LMF1: variants seen among roughly 807,000 people sequenced by gnomAD.
LMF1 encodes the protein transmembrane protein 112.
In LMF1, 68 loss-of-function variants were observed where a neutral mutation model predicts 60.6. The observed-to-expected ratio is 1.12, with a 90% CI of 0.92 to 1.37. The LOEUF (loss-of-function observed/expected upper bound fraction) is 1.37, where lower values mean the gene tolerates loss of function less well. Among genes scored for constraint, LMF1 ranks in the 40% most tolerant of loss-of-function variants. LMF1 has a pLI of 0.00. For missense variants in LMF1, 948 were observed against 767.2 expected (o/e 1.24, Z -2.78); for synonymous variants, 418 against 324.7 (o/e 1.29, Z -3.09).
chr16:908,388 G>C (rs1024338408), intron 4 of LMF1, among the ~76,000 whole-genome samples: 3 of 152,196 alleles, frequency 2.0e-5, no homozygotes, highest in African/African-American at 7.2e-5. Context: ...ACTGTCTGCA[G>C]CCACTCACGC....
chr16:895,865 G>A (rs1163123117), intron 4 of LMF1, among the ~76,000 whole-genome samples: 2 of 149,720 alleles, frequency 1.3e-5, no homozygotes, highest in African/African-American at 2.5e-5. Flanking sequence ...GGGGTTGTGA[G>A]GCTCAGCCAC....
At chr16:866,389 T>C (rs2069610842) in intron 10 of LMF1, among the ~76,000 whole-genome samples, 2 of 152,162 alleles carry the variant, frequency 1.3e-5, no homozygotes, top group Non-Finnish European at 2.9e-5. Context: ...CATGACACTA[T>C]GGCGGGGGTG....
upstream of LMF1, chr16:975,944 G>A (rs948307686): frequency 3.8e-5 from 14 of 369,018 alleles, no homozygotes; most frequent in African/African-American, 1.9e-4. Context: ...AATGGGGCTC[G>A]GTGTTGGGAG....
intron 3 of LMF1, among the ~76,000 whole-genome samples, chr16:916,335 A>C (rs7202025): frequency 0.32 from 48,741 of 152,156 alleles, 10,049 homozygotes; most frequent in African/African-American, 0.57. Context: ...AAGCGCTTCC[A>C]TCTTGACTGC....
At chr16:954,943 A>G (rs1295604024) in intron 1 of LMF1, among the ~76,000 whole-genome samples, 3 of 118,640 alleles carry the variant, frequency 2.5e-5, no homozygotes, top group African/African-American at 1.1e-4. Context: ...CCCGCAGCAG[A>G]CGCGGTGTGT....
In LMF1 at chr16:869,878, C is replaced by G. The variant is rs1041653131; in HGVS notation, c.1416+5G>C. On this transcript the variant is annotated splice_donor_5th_base_variant and intron_variant, in intron 9 of 10. Transcript: ENST00000262301. ...TCCATGCGCCCGCCAGGGACCGTCCCCCACCTGGAAGGCCGCGAACCACAT... is the reference window on the plus strand; with the variant it reads ...TCCATGCGCCCGCCAGGGACCGTCCGCCACCTGGAAGGCCGCGAACCACAT... 6.2e-7 allele frequency: 1 copy of G among 1,610,716 alleles called. No homozygotes were observed. The highest frequency in any genetic ancestry group is 8.5e-7 in the Non-Finnish European group (1 of 1,179,228).
chr16:963,807 T>G (rs569706991), intron 1 of LMF1, among the ~76,000 whole-genome samples: 2 of 151,956 alleles, frequency 1.3e-5, no homozygotes, highest in Non-Finnish European at 2.9e-5. Flanking sequence ...GCTTCCTGCT[T>G]ATCAGGAAAA....
intron 4 of LMF1, among the ~76,000 whole-genome samples, chr16:908,597 G>C (rs1443619083): frequency 1.3e-5 from 2 of 152,358 alleles, no homozygotes; most frequent in East Asian, 3.9e-4. Context: ...GTCAGGCCCT[G>C]CTGCCTCCAG....
Position 869,041 on chromosome 16 carries a change from C to T in LMF1, c.1432G>A (p.Asp478Asn), listed in dbSNP as rs377384616. 6.0e-5 allele frequency: 96 copies of T among 1,611,912 alleles called. No homozygotes were observed. The East Asian group carries it at 1.5e-3, about 25-fold the overall frequency. ...FAAFQTYEHN[D>N]WIIHLAGKLL... ...TTGCCAGCCAGGTGGATGATCCAGT[C>T]GTTGTGCTCGTAGGTCTGGGAGGAG... is the stretch of plus-strand genomic sequence containing the variant. The change falls in exon 10 of 11, where the codon GAC (aspartate) becomes AAC (asparagine). Residue 478 changes from aspartate to asparagine, a missense_variant. Transcript: ENST00000262301.
chr16:924,005 C>T (rs1308677738), intron 3 of LMF1, among the ~76,000 whole-genome samples: 5 of 152,158 alleles, frequency 3.3e-5, no homozygotes, highest in Non-Finnish European at 5.9e-5. Context: ...CAACTATGAA[C>T]TCCAGGAAAA....
chr16:888,206 T>A (rs2070369094), intron 5 of LMF1, among the ~76,000 whole-genome samples: 1 of 152,000 alleles, frequency 6.6e-6, no homozygotes, highest in South Asian at 2.1e-4. Flanking sequence ...GCAAGGGAAG[T>A]GGCCGTGGGT....
chr16:890,107 C>T (rs1400338846), intron 5 of LMF1, among the ~76,000 whole-genome samples: 1 of 152,192 alleles, frequency 6.6e-6, no homozygotes, highest in African/African-American at 2.4e-5. Context: ...TGGGCATGGC[C>T]ACTGCTCCGT....
intron 3 of LMF1, among the ~76,000 whole-genome samples, chr16:920,168 G>A (rs1479294271): frequency 2.0e-5 from 3 of 151,586 alleles, no homozygotes; most frequent in South Asian, 4.2e-4. Context: ...GCCCTAGTCC[G>A]TCGTCCCCCA....
In LMF1 at chr16:955,360, C is replaced by T. The variant is rs199547696; in HGVS notation, c.194-694G>A. 3.7e-3 allele frequency among the ~76,000 whole-genome samples: 479 copies of T among 129,216 alleles called. 40 individuals carry two copies. Among genetic ancestry groups the T allele is most frequent in the African/African-American group, 0.012 (342 of 27,432 alleles). The allele number at this position is 129,216 out of a possible 152,430, so 84.8% of individuals were successfully genotyped here. On this transcript the variant is annotated intron_variant, in intron 1 of 10. Coordinates refer to ENST00000262301, the MANE Select transcript of LMF1 (RefSeq NM_022773.4). The stretch of plus-strand genomic sequence containing the variant: ...ACATCTAAGTGAACCCGACCCGTTA[C>T]ATAAAATGCGTGCCCGCAGCAGACG...
At chr16:952,316 C>CTA (rs1555473484) in intron 2 of LMF1, among the ~76,000 whole-genome samples, 2 of 152,046 alleles carry the variant, frequency 1.3e-5, no homozygotes, top group South Asian at 4.2e-4. Context: ...GGACCCCCCC[C>CTA]CACAGGTGCC....
chr16:868,836 A>C, intron 10 of LMF1, 108 bp downstream of exon 10: 2 of 708,834 alleles, frequency 2.8e-6, no homozygotes, highest in Non-Finnish European at 5.0e-6. Flanking sequence ...GCGGGAGGGA[A>C]GGGGCGCTTC....
intron 4 of LMF1, chr16:899,824 G>T (rs1204608121): frequency 4.6e-5 from 7 of 152,292 alleles, no homozygotes; most frequent in African/African-American, 1.7e-4. Context: ...GCGCAAACCT[G>T]TTGAGCCCCT....
rs146969088 is a variant in LMF1, at chr16:931,339, C to A, written c.514+2905G>T. Among the ~76,000 whole-genome samples, 57 of 152,382 alleles carry A rather than the reference C, an allele frequency of 3.7e-4. No homozygotes were observed. In the East Asian group the frequency reaches 0.01, roughly 27 times the overall value. On this transcript the variant is annotated intron_variant, in intron 3 of 10. Transcript: ENST00000262301. Reference sequence around the variant, plus strand: ...GCTGGCTGCTGCCTCGGGGCACGCACTGCCTGAGGATGCTGCTTTGCGGGC... The same window carrying A: ...GCTGGCTGCTGCCTCGGGGCACGCAATGCCTGAGGATGCTGCTTTGCGGGC...
chr16:940,429 AGGTGGTGTG>A (rs2072070437), intron 2 of LMF1, among the ~76,000 whole-genome samples: 1 of 152,084 alleles, frequency 6.6e-6, no homozygotes, highest in East Asian at 1.9e-4. Flanking sequence ...AGGACAAGGC[AGGTGGTGTG>A]GGAGGGTCCT....
Sources: gnomAD v4.1 joint callset for allele counts (sites outside exome capture counted in the v4.1 genomes callset) on GRCh38, gnomAD v4.1.1 for gene constraint, MANE v1.5 for transcripts, NCBI Gene and HGNC (gene_info 2026-07-23, HGNC 2026-07-21) for gene names.